SLC5A11: variants seen among roughly 807,000 people sequenced by gnomAD.
SLC5A11 encodes the protein solute carrier family 5 member 11.
Under a neutral mutation model 69.8 loss-of-function variants are expected in SLC5A11, and 48 were observed. The ratio of observed to expected loss-of-function variants is 0.69; its 90% confidence interval spans 0.55 to 0.87. The LOEUF (loss-of-function observed/expected upper bound fraction) is 0.87. Ranked by LOEUF, SLC5A11 falls within the 40% of genes least tolerant of loss-of-function variation. The pLI, the probability that SLC5A11 is intolerant of heterozygous loss-of-function variation, is 0.00. For synonymous variants in SLC5A11, 319 were observed against 342.4 expected, an observed-to-expected ratio of 0.93 and a Z score of 0.75; for missense variants, 784 against 866.1, an observed-to-expected ratio of 0.91 and a Z score of 1.19.
chr16:24,858,626 G>A, exon 2 of SLC5A11: 10 of 1,597,476 alleles, frequency 6.3e-6, no homozygotes, highest in Non-Finnish European at 8.5e-6. Flanking sequence ...TCAGGATCCA[G>A]AGGTCTCGTT....
intron 7 of SLC5A11, among the ~76,000 whole-genome samples, chr16:24,877,616 G>T (rs1241773014): frequency 6.6e-6 from 1 of 152,340 alleles, no homozygotes; most frequent in East Asian, 1.9e-4. Context: ...TTGGGAAGCC[G>T]AGGCAGGTGG....
intron 2 of SLC5A11, among the ~76,000 whole-genome samples, chr16:24,860,266 G>A (rs778877674): frequency 8.6e-5 from 13 of 152,016 alleles, no homozygotes; most frequent in African/African-American, 1.2e-4. Flanking sequence ...CAGCCTGGGC[G>A]ACAGAGTGAG....
At chr16:24,898,250 CATTCAGG>C in intron 10 of SLC5A11, 141 bp downstream of exon 11, 3 of 1,206,186 alleles carry the variant, frequency 2.5e-6, no homozygotes, top group Non-Finnish European at 3.4e-6. Context: ...CTCATTCTGT[CATTCAGG>C]TTGGAGTGCA....
chr16:24,865,489 G>C (rs1381929095), intron 3 of SLC5A11, among the ~76,000 whole-genome samples: 1 of 152,068 alleles, frequency 6.6e-6, no homozygotes, highest in Non-Finnish European at 1.5e-5. Flanking sequence ...CCTGGGAGGC[G>C]GAGGTTGCAG....
intron 3 of SLC5A11, 78 bp downstream of exon 4, chr16:24,862,750 C>A: frequency 1.5e-6 from 2 of 1,294,134 alleles, no homozygotes; most frequent in South Asian, 1.3e-5. Flanking sequence ...CCTTTGATAT[C>A]TCAGGACTCT....
In SLC5A11 at chr16:24,911,443, G is replaced by A. The variant is rs558181770; in HGVS notation, c.1938G>A (p.Leu646=). The A allele has an allele frequency of 2.4e-5, 39 of 1,614,094 alleles. No individual in the cohort carries two copies. In the South Asian group the frequency reaches 2.9e-4, roughly 12 times the overall value. Residue 646 remains leucine (L), a synonymous_variant, in exon 16 of 16, where the codon CTG becomes CTA. Transcript: ENST00000347898. ...GAGCAGAAGCCATCATAGTTTCCCT[G>A]GAAGAAAACCCCTTGGTGAAGACCC... is the stretch of plus-strand genomic sequence containing the variant.
chr16:24,886,594 G>T (rs2048415164), intron 8 of SLC5A11, among the ~76,000 whole-genome samples: 1 of 152,108 alleles, frequency 6.6e-6, no homozygotes, highest in Non-Finnish European at 1.5e-5. Context: ...ATCTAGCTAG[G>T]TGTGAAGGGT....
chr16:24,900,720 G>A (rs1427090666), intron 10 of SLC5A11, among the ~76,000 whole-genome samples: 3 of 152,010 alleles, frequency 2.0e-5, no homozygotes, highest in East Asian at 1.9e-4. Context: ...CAAGACCATC[G>A]TGGGTAACGA....
chr16:24,898,552 A>G (rs1366442639), intron 10 of SLC5A11, among the ~76,000 whole-genome samples: 8 of 133,850 alleles, frequency 6.0e-5, no homozygotes, highest in African/African-American at 2.3e-4. Flanking sequence ...GGAGTCTTGC[A>G]CTGTCGCCCA....
At chr16:24,875,832 C>G (rs1216635067) in intron 6 of SLC5A11, 101 bp downstream of exon 7, 3 of 935,612 alleles carry the variant, frequency 3.2e-6, no homozygotes, top group South Asian at 3.0e-5. Context: ...CCTTTCTCCT[C>G]GTCTTTCATA....
Position 24,889,767 on chromosome 16 carries a change from C to T in SLC5A11, c.665-1102C>T, listed in dbSNP as rs546922822. ...TTCACCATGTGGGCCAGGTTGGTCTCGAACTCCTGACCTCAGGCGATTCGC... is the reference window on the plus strand; with the variant it reads ...TTCACCATGTGGGCCAGGTTGGTCTTGAACTCCTGACCTCAGGCGATTCGC... On this transcript the variant is annotated intron_variant, in intron 8 of 15. Transcript: ENST00000347898. Among the ~76,000 whole-genome samples the T allele has an allele frequency of 1.9e-3, 285 of 151,760 alleles. 2 individuals are homozygous for T. Among genetic ancestry groups the T allele is most frequent in the African/African-American group, 6.4e-3 (265 of 41,322 alleles).
chr16:24,876,959 G>T, intron 6 of SLC5A11: 1 of 593,192 alleles, frequency 1.7e-6, no homozygotes, highest in Non-Finnish European at 2.4e-6. Flanking sequence ...GGGAGGAGAA[G>T]GGTGATGTGA....
At chr16:24,880,027 G>A (rs992642554) in intron 7 of SLC5A11, among the ~76,000 whole-genome samples, 2 of 152,102 alleles carry the variant, frequency 1.3e-5, no homozygotes, top group African/African-American at 4.8e-5. Context: ...TTTCCTTTGG[G>A]TACATACCCA....
intron 4 of SLC5A11, 130 bp from the exon 6 acceptor site, chr16:24,872,030 C>A: frequency 1.0e-6 from 1 of 1,004,434 alleles, no homozygotes; most frequent in Non-Finnish European, 1.6e-6. Context: ...CACAGGTGAA[C>A]CACTCAGCGA....
chr16:24,857,328 A>G (rs1314731243), intron 1 of SLC5A11, among the ~76,000 whole-genome samples: 1 of 152,192 alleles, frequency 6.6e-6, no homozygotes, highest in African/African-American at 2.4e-5. Flanking sequence ...GAAATAAGTC[A>G]ATGCCCTGAT....
chr16:24,880,545 G>A (rs970624198), intron 7 of SLC5A11, among the ~76,000 whole-genome samples: 13 of 152,052 alleles, frequency 8.5e-5, no homozygotes, highest in African/African-American at 3.1e-4. Flanking sequence ...TGTTGGTCAG[G>A]CTGGTTTCGA....
chr16:24,908,258 T>G, intron 13 of SLC5A11, 127 bp downstream of exon 14: 2 of 1,046,620 alleles, frequency 1.9e-6, no homozygotes, highest in Non-Finnish European at 2.8e-6. Context: ...GAGGGTGAGT[T>G]CCATTGGTGG....
At chr16:24,864,364 G>A (rs951167025) in intron 3 of SLC5A11, among the ~76,000 whole-genome samples, 2 of 152,142 alleles carry the variant, frequency 1.3e-5, no homozygotes, top group Non-Finnish European at 2.9e-5. Flanking sequence ...GTCATTAGCT[G>A]CCCAATAAAC....
exon 14 of SLC5A11, chr16:24,908,909 T>A: frequency 6.2e-7 from 1 of 1,614,010 alleles, no homozygotes; most frequent in Non-Finnish European, 8.5e-7. Context: ...ATCTCGGGCC[T>A]GCTCCTGGGC....
Sources: gnomAD v4.1 joint callset for allele counts (sites outside exome capture counted in the v4.1 genomes callset) on GRCh38, gnomAD v4.1.1 for gene constraint, MANE v1.5 for transcripts, NCBI Gene and HGNC (gene_info 2026-07-23, HGNC 2026-07-21) for gene names.